PAK2: variants seen among roughly 807,000 people sequenced by gnomAD.
PAK2 encodes the protein serine/threonine-protein kinase PAK 2.
PAK2 carries 21 observed loss-of-function variants against 65.9 expected under a neutral mutation model. The observed-to-expected ratio is 0.32, with a 90% confidence interval of 0.23 to 0.46. PAK2 has a LOEUF of 0.46. Among genes scored for constraint, PAK2 ranks in the 20% least tolerant of loss-of-function variants. The pLI is 1.00. For synonymous variants in PAK2, 204 were observed against 219.7 expected (o/e 0.93, Z 0.63); for missense variants, 324 against 642.6 (o/e 0.50, Z 5.36).
chr3:196,769,689 C>T (rs1452357812), intron 1 of PAK2, among the ~76,000 whole-genome samples: 6 of 151,112 alleles, frequency 4.0e-5, no homozygotes, highest in South Asian at 2.1e-4. Flanking sequence ...TGGTGGTAGG[C>T]GCCTGCAGTT....
chr3:196,753,363 G>A (rs1713669938), intron 1 of PAK2, among the ~76,000 whole-genome samples: 1 of 151,780 alleles, frequency 6.6e-6, no homozygotes, highest in South Asian at 2.1e-4. Flanking sequence ...TCCCATCTCA[G>A]CCGCCTGAGT....
intron 7 of PAK2, 37 bp from the exon 8 acceptor site, chr3:196,810,553 A>T (rs751177539): frequency 2.6e-6 from 3 of 1,146,752 alleles, no homozygotes; most frequent in Admixed American, 3.5e-5. Flanking sequence ...TACACTTAAA[A>T]TGCTTGACTG....
At chr3:196,826,572 G>A (rs1436110902) in intron 13 of PAK2, among the ~76,000 whole-genome samples, 1 of 151,826 alleles carries the variant, frequency 6.6e-6, no homozygotes, top group African/African-American at 2.4e-5. Flanking sequence ...AACCTAAACA[G>A]GATGGTCAAT....
chr3:196,818,998 C>G (rs989329896), intron 12 of PAK2, among the ~76,000 whole-genome samples: 1 of 152,140 alleles, frequency 6.6e-6, no homozygotes, highest in African/African-American at 2.4e-5. Context: ...TTGTAGAATT[C>G]TCTCCTGTAG....
chr3:196,825,286 C>T (rs1711811760), intron 13 of PAK2, among the ~76,000 whole-genome samples: 1 of 151,828 alleles, frequency 6.6e-6, no homozygotes, highest in Non-Finnish European at 1.5e-5. Context: ...GCAGAGGTTG[C>T]CATGTGTTGA....
Position 196,751,660 on chromosome 3 carries a change from AATTTATTTATATACATAT to A in PAK2, c.-22+11506_-22+11523del, listed in dbSNP as rs778746450. ...AGACTGTCCCCCCAAAAAACACACAAATTTATTTATATACATATATATATATATATATATAATTCAGGC... is the reference window on the plus strand; with the variant it reads ...AGACTGTCCCCCCAAAAAACACACAAATATATATATATATATAATTCAGGC... On this transcript the variant is annotated intron_variant, in intron 1 of 14. Coordinates refer to ENST00000327134, the MANE Select transcript of PAK2 (RefSeq NM_002577.4). Among the ~76,000 whole-genome samples, 26 of 40,240 alleles carry A rather than the reference AATTTATTTATATACATAT, an allele frequency of 6.5e-4. 2 individuals carry two copies. In the East Asian group the frequency reaches 7.1e-3, roughly 11 times the overall value. 26.4% of individuals were successfully genotyped at this position (40,240 alleles called of 152,430 possible).
chr3:196,765,991 C>T (rs1319819665), intron 1 of PAK2, among the ~76,000 whole-genome samples: 2 of 151,728 alleles, frequency 1.3e-5, no homozygotes, highest in African/African-American at 4.8e-5. Context: ...GCTCCACCTC[C>T]CGGGGTCAAG....
Position 196,783,815 on chromosome 3 carries a change from A to G in PAK2, c.187+982A>G, listed in dbSNP as rs1382008239. On this transcript the variant is annotated intron_variant, in intron 2 of 14. Transcript: ENST00000327134. Reference sequence around the variant, plus strand: ...ATGCCTGTTTGGGAACCTTTTATGAATGGAATTATGCTGTCTGCATTTTTT... The same window carrying G: ...ATGCCTGTTTGGGAACCTTTTATGAGTGGAATTATGCTGTCTGCATTTTTT... 2.0e-5 allele frequency among the ~76,000 whole-genome samples: 3 copies of G among 152,124 alleles called. 1 individual carries two copies. Among genetic ancestry groups the G allele is most frequent in the Non-Finnish European group, 4.4e-5 (3 of 68,026 alleles).
chr3:196,762,675 GGGGAGAGGGAGA>G (rs574025929), intron 1 of PAK2, among the ~76,000 whole-genome samples: 1 of 151,688 alleles, frequency 6.6e-6, no homozygotes, highest in Admixed American at 6.6e-5. Context: ...GGGAGACCGT[GGGGAGAGGGAGA>G]GGGAGAGGGA....
chr3:196,740,053 T>G lies in PAK2; in HGVS notation c.-126T>G. 1 of 141,266 alleles carries G rather than the reference T, an allele frequency of 7.1e-6. No homozygotes were observed. Among genetic ancestry groups the G allele is most frequent in the Non-Finnish European group, 1.5e-5 (1 of 64,696 alleles). The allele number at this position is 141,266 out of a possible 1,614,324, so 8.8% of individuals were successfully genotyped here. ...TCTTCCCGCCCCGCTTCCCCTTCCC[T>G]CCCCTCCCCTCCCCGCACCGCGCGC... On this transcript the variant is annotated 5_prime_UTR_variant, in exon 1 of 15. Transcript: ENST00000327134.
intron 2 of PAK2, among the ~76,000 whole-genome samples, chr3:196,800,002 T>C (rs1028006137): frequency 5.9e-5 from 9 of 152,206 alleles, no homozygotes; most frequent in African/African-American, 1.4e-4. Context: ...CAAACACTGC[T>C]GAGAGAAATT....
intron 1 of PAK2, among the ~76,000 whole-genome samples, chr3:196,778,654 T>C (rs1714613242): frequency 6.6e-6 from 1 of 152,234 alleles, no homozygotes; most frequent in South Asian, 2.1e-4. Flanking sequence ...CTAGGATTTA[T>C]TTGGATTCTA....
intron 1 of PAK2, among the ~76,000 whole-genome samples, chr3:196,745,373 C>G (rs899036620): frequency 1.3e-5 from 2 of 149,306 alleles, no homozygotes; most frequent in Non-Finnish European, 3.0e-5. Context: ...ATCTGCCTGC[C>G]TTGGCTTCCC....
intron 1 of PAK2, among the ~76,000 whole-genome samples, chr3:196,773,681 G>C (rs1023199896): frequency 2.0e-5 from 3 of 152,010 alleles, no homozygotes; most frequent in Non-Finnish European, 2.9e-5. Context: ...TTTGAGACCA[G>C]CCTGACCAAT....
chr3:196,751,959 T>G (rs1422050515), intron 1 of PAK2, among the ~76,000 whole-genome samples: 1 of 151,612 alleles, frequency 6.6e-6, no homozygotes. Flanking sequence ...GCCAGGCTGG[T>G]CTTGAACTCT....
At chr3:196,796,470 T>A (rs1385629975) in intron 2 of PAK2, among the ~76,000 whole-genome samples, 1 of 152,140 alleles carries the variant, frequency 6.6e-6, no homozygotes, top group Non-Finnish European at 1.5e-5. Context: ...AGGTGCAAGG[T>A]TTCTTCTGGG....
chr3:196,787,440 A>G (rs1164953848), intron 2 of PAK2, among the ~76,000 whole-genome samples: 3 of 152,002 alleles, frequency 2.0e-5, no homozygotes, highest in Admixed American at 6.6e-5. Flanking sequence ...TTAGCCAGGC[A>G]TGGTGGCAGG....
chr3:196,802,166 A>C, intron 3 of PAK2, 139 bp downstream of exon 3: 1 of 629,580 alleles, frequency 1.6e-6, no homozygotes, highest in Non-Finnish European at 2.9e-6. Context: ...TGGGAGGCCA[A>C]GGCTGGCAGA....
chr3:196,782,750 A>G lies in PAK2; in HGVS notation c.104A>G (p.His35Arg), dbSNP rs751180652. Residue 35 changes from histidine to arginine, a missense_variant, in exon 2 of 15, where the codon CAC (histidine) becomes CGC (arginine). This residue lies in a region of PAK2 where 42 missense variants were observed against 67.4 expected (regional missense o/e 0.62). Coordinates refer to ENST00000327134, the MANE Select transcript of PAK2 (RefSeq NM_002577.4). ...TGGKDPLSAN[H>R]SLKPLPSVPE... ...GGCAAAGACCCTTTGTCAGCCAATC[A>G]CAGTTTGAAACCTTTGCCCTCTGTT... 2.4e-5 allele frequency: 38 copies of G among 1,613,440 alleles called. No individual in the cohort carries two copies. The highest frequency in any genetic ancestry group is 3.1e-5 in the Non-Finnish European group (37 of 1,179,350).
Sources: allele counts gnomAD v4.1 joint callset (sites outside exome capture counted in the v4.1 genomes callset), GRCh38; gene constraint gnomAD v4.1.1; regional missense constraint gnomAD v4.1.1; transcripts MANE v1.5; gene names NCBI Gene and HGNC (gene_info 2026-07-23, HGNC 2026-07-21).